The following BCL2L13 variants were observed in gnomAD, a reference collection of about 807,000 sequenced individuals.
BCL2L13 encodes the protein BCL2 like 13.
Under a neutral mutation model 25.8 loss-of-function variants are expected in BCL2L13, and 13 were observed. The ratio of observed to expected loss-of-function variants is 0.50; its 90% CI spans 0.33 to 0.80. The LOEUF (loss-of-function observed/expected upper bound fraction) is 0.80. BCL2L13 is among the 30% of genes least tolerant of loss of function. The pLI is 0.02. For missense variants in BCL2L13, 504 were observed against 574.9 expected, an observed-to-expected ratio of 0.88 and a Z score of 1.26; for synonymous variants, 244 against 230.3, an observed-to-expected ratio of 1.06 and a Z score of -0.54.
chr22:17,648,622 T>C (rs1452107009), intron 1 of BCL2L13, among the ~76,000 whole-genome samples: 1 of 152,134 alleles, frequency 6.6e-6, no homozygotes, highest in African/African-American at 2.4e-5. Flanking sequence ...CAAATATGCA[T>C]TTAAAGTCTG....
intron 1 of BCL2L13, among the ~76,000 whole-genome samples, chr22:17,633,557 G>C (rs1420355476): frequency 6.6e-6 from 1 of 152,054 alleles, no homozygotes; most frequent in Non-Finnish European, 1.5e-5. Flanking sequence ...AGAAAGGGAC[G>C]GTTCATGTGC....
chr22:17,667,569 T>C (rs193040416), intron 2 of BCL2L13, among the ~76,000 whole-genome samples: 1 of 151,068 alleles, frequency 6.6e-6, no homozygotes, highest in East Asian at 2.0e-4. Flanking sequence ...AATATAGTGG[T>C]GTGGTCTCAG....
chr22:17,720,602 C>A (rs985588940), intron 6 of BCL2L13, among the ~76,000 whole-genome samples: 1 of 150,530 alleles, frequency 6.6e-6, no homozygotes, highest in South Asian at 2.1e-4. Context: ...TGACCTCAGG[C>A]GATCAGCCTG....
At chr22:17,649,603 A>G (rs1481256279) in intron 1 of BCL2L13, among the ~76,000 whole-genome samples, 1 of 151,936 alleles carries the variant, frequency 6.6e-6, no homozygotes, top group Admixed American at 6.6e-5. Flanking sequence ...CCCGGGTTCA[A>G]GTGATTCTCC....
intron 4 of BCL2L13, among the ~76,000 whole-genome samples, chr22:17,693,374 T>TTTTG (rs2060168075): frequency 8.1e-5 from 2 of 24,762 alleles, no homozygotes; most frequent in African/African-American, 2.3e-4. Flanking sequence ...TAGTGTTTGT[T>TTTTG]TTTTTTTTTT....
chr22:17,717,777 A>G (rs372378681), intron 6 of BCL2L13, among the ~76,000 whole-genome samples: 1 of 151,900 alleles, frequency 6.6e-6, no homozygotes, highest in East Asian at 1.9e-4. Flanking sequence ...GAGTCTTTGC[A>G]TTGCTTCTTA....
In BCL2L13 at chr22:17,727,651, TCTG is replaced by T; in HGVS notation, c.*120_*122del. On this transcript the variant is annotated 3_prime_UTR_variant, in exon 7 of 7. Coordinates refer to ENST00000317582, the MANE Select transcript of BCL2L13 (RefSeq NM_015367.4). ...GAACACTCTGGGATAATTGGGGACTTCTGCTCAACATGGCAGTGGCATGTTAGG... is the reference window on the plus strand; with the variant it reads ...GAACACTCTGGGATAATTGGGGACTTCTCAACATGGCAGTGGCATGTTAGG... 2 of 1,408,768 alleles carry T rather than the reference TCTG, an allele frequency of 1.4e-6. No homozygotes were observed. The highest frequency in any genetic ancestry group is 2.1e-5 in the Admixed American group (1 of 47,826). 87.3% of individuals were successfully genotyped at this position (1,408,768 alleles called of 1,614,324 possible).
chr22:17,693,975 C>G (rs2060191810), intron 4 of BCL2L13, among the ~76,000 whole-genome samples: 1 of 151,794 alleles, frequency 6.6e-6, no homozygotes, highest in Non-Finnish European at 1.5e-5. Context: ...TCAGGCTGAT[C>G]TTGAATTCCT....
At position 17,727,473 on chromosome 22, in the gene BCL2L13, CT is replaced by C. The variant is rs775778280; in HGVS notation, c.1398del (p.Ala467LeufsTer12). ...AAGTCTATACTGCTGTTTGGAGGGGCTGCTGCTGTTGCCATCCTGGCAGTGG... is the reference window on the plus strand; with the variant it reads ...AAGTCTATACTGCTGTTTGGAGGGGCGCTGCTGTTGCCATCCTGGCAGTGG... ...EGKSILLFGGAAAVAILAVAI... is the reference protein window; with the variant it reads ...EGKSILLFGGXAAVAILAVAI... On this transcript the variant is annotated frameshift_variant, in exon 7 of 7. Coordinates refer to ENST00000317582, the MANE Select transcript of BCL2L13 (RefSeq NM_015367.4). LOFTEE classifies it high-confidence loss of function. 2 of 1,614,262 alleles carry C rather than the reference CT, an allele frequency of 1.2e-6. No individual in the cohort carries two copies. The highest frequency in any genetic ancestry group is 1.7e-6 in the Non-Finnish European group (2 of 1,180,054).
At position 17,660,814 on chromosome 22, in the gene BCL2L13, G is replaced by C. The variant is rs115930349; in HGVS notation, c.121+4982G>C. Among the ~76,000 whole-genome samples, 236 of 145,982 alleles carry C rather than the reference G, an allele frequency of 1.6e-3. 7 individuals carry two copies. The highest frequency in any genetic ancestry group is 5.5e-3 in the African/African-American group (225 of 41,146). On this transcript the variant is annotated intron_variant, in intron 2 of 6. Transcript: ENST00000317582. ...TATTTGTTTGCTTTTCTTTGAGACA[G>C]TCTCGCTCTCGTCAGGTGGGAGTGC...
At chr22:17,664,414 C>T (rs1040901745) in intron 2 of BCL2L13, among the ~76,000 whole-genome samples, 2 of 77,094 alleles carry the variant, frequency 2.6e-5, no homozygotes, top group African/African-American at 7.9e-5. Context: ...CATATATAGC[C>T]ACCCCCCCCC....
intron 5 of BCL2L13, among the ~76,000 whole-genome samples, chr22:17,698,665 G>A (rs1468668417): frequency 6.6e-6 from 1 of 151,706 alleles, no homozygotes; most frequent in Non-Finnish European, 1.5e-5. Flanking sequence ...GGAGGTGGAG[G>A]TTGCAGTGAG....
intron 1 of BCL2L13, among the ~76,000 whole-genome samples, chr22:17,645,178 A>G (rs1056042255): frequency 2.0e-5 from 3 of 150,288 alleles, no homozygotes; most frequent in Non-Finnish European, 4.4e-5. Flanking sequence ...AATACAAAAG[A>G]CTGTCATGTT....
At chr22:17,694,966 A>T (rs2060219102) in intron 4 of BCL2L13, among the ~76,000 whole-genome samples, 1 of 152,192 alleles carries the variant, frequency 6.6e-6, no homozygotes, top group Non-Finnish European at 1.5e-5. Context: ...GATTTGCTGC[A>T]ATCCCTCAAT....
chr22:17,698,494 G>A (rs945003720), intron 5 of BCL2L13, among the ~76,000 whole-genome samples: 1 of 142,908 alleles, frequency 7.0e-6, no homozygotes, highest in African/African-American at 2.6e-5. Context: ...GCCAAGGCGG[G>A]AGGATCACTT....
At chr22:17,669,030 CT>C (rs537315017) in intron 2 of BCL2L13, among the ~76,000 whole-genome samples, 11,127 of 111,372 alleles carry the variant, frequency 0.1, 220 homozygotes, top group African/African-American at 0.13. Context: ...CTGTTTCTTT[CT>C]TTTTTTTTTT....
At position 17,726,786 on chromosome 22, in the gene BCL2L13, C is replaced by T; in HGVS notation, c.710C>T (p.Pro237Leu). The T allele has an allele frequency of 6.2e-7, 1 of 1,614,164 alleles. No homozygotes were observed. The highest frequency in any genetic ancestry group is 1.1e-5 in the South Asian group (1 of 91,080). ...AGCGACAACTCTGGACAAGTCAGTC[C>T]CCCAGAGTCTCCAACTGTGACCACT... ...LPSDNSGQVSPPESPTVTTSW... is the reference protein window; with the variant it reads ...LPSDNSGQVSLPESPTVTTSW... Residue 237 changes from proline to leucine, a missense_variant, in exon 7 of 7, where the codon CCC becomes CTC. Coordinates refer to ENST00000317582, the MANE Select transcript of BCL2L13 (RefSeq NM_015367.4).
intron 5 of BCL2L13, among the ~76,000 whole-genome samples, chr22:17,698,307 G>A (rs980500572): frequency 3.0e-4 from 46 of 151,884 alleles, no homozygotes; most frequent in African/African-American, 1.0e-3. Flanking sequence ...TAGAGACAGG[G>A]TCTTGCCATG....
In BCL2L13 at chr22:17,655,684, C is replaced by A; in HGVS notation, c.-28C>A. 6.2e-7 allele frequency: 1 copy of A among 1,605,392 alleles called. No individual in the cohort carries two copies. On this transcript the variant is annotated 5_prime_UTR_variant, in exon 2 of 7. Transcript: ENST00000317582. ...TAGGTTTTACACATCCATAAGTAGA[C>A]CTTTTTGGAGCCTCACCAGCCAATT...
Sources: allele counts gnomAD v4.1 joint callset (sites outside exome capture counted in the v4.1 genomes callset), GRCh38; gene constraint gnomAD v4.1.1; transcripts MANE v1.5; gene names NCBI Gene and HGNC (gene_info 2026-07-23, HGNC 2026-07-21).